The following SGCZ variants were observed in gnomAD, a reference collection of about 807,000 sequenced individuals.
SGCZ encodes the protein sarcoglycan zeta.
A neutral mutation model predicts 41.3 loss-of-function variants in SGCZ; 40 were observed. The ratio of observed to expected loss-of-function variants is 0.97; its 90% CI spans 0.75 to 1.26. The LOEUF (loss-of-function observed/expected upper bound fraction) is 1.26. Ranked by LOEUF, SGCZ falls within the 50% of genes most tolerant of loss-of-function variation. SGCZ has a pLI of 0.00. For missense variants in SGCZ, 552 were observed against 369.8 expected, an observed-to-expected ratio of 1.49 and a Z score of -4.04; for synonymous variants, 206 against 137.5, an observed-to-expected ratio of 1.50 and a Z score of -3.49.
chr8:14,994,787 T>G (rs1585449531), intron 1 of SGCZ, among the ~76,000 whole-genome samples: 1 of 152,178 alleles, frequency 6.6e-6, no homozygotes, highest in South Asian at 2.1e-4. Context: ...CAGAAAAAAA[T>G]CTTCATTTTT....
rs1801511335 is a variant in SGCZ, at chr8:14,085,954, C to T, written c.*4489G>A. Among the ~76,000 whole-genome samples, 1 of 151,676 alleles carries T rather than the reference C, an allele frequency of 6.6e-6. No homozygotes were observed. Among genetic ancestry groups the T allele is most frequent in the Non-Finnish European group, 1.5e-5 (1 of 67,762 alleles). Reference sequence around the variant, plus strand: ...TGACATTTAAACAACTAATAAATTTCAGTATAAAACAACATGAATAACAGT... The same window carrying T: ...TGACATTTAAACAACTAATAAATTTTAGTATAAAACAACATGAATAACAGT... On this transcript the variant is annotated 3_prime_UTR_variant, in exon 8 of 8. Transcript: ENST00000382080.
intron 2 of SGCZ, among the ~76,000 whole-genome samples, chr8:14,359,362 A>T (rs1242507589): frequency 6.6e-6 from 1 of 152,092 alleles, no homozygotes; most frequent in Non-Finnish European, 1.5e-5. Context: ...CTTAATCCAC[A>T]CTATAGACAA....
At chr8:14,804,594 T>A (rs1020484216) in intron 1 of SGCZ, among the ~76,000 whole-genome samples, 1 of 141,500 alleles carries the variant, frequency 7.1e-6, no homozygotes. Context: ...AGACCAAATC[T>A]ACGTCTGATT....
In SGCZ at chr8:14,164,543, G is replaced by A. The variant is rs199521339; in HGVS notation, c.547+37C>T. 12 of 1,611,030 alleles carry A rather than the reference G, an allele frequency of 7.4e-6. No homozygotes were observed. The East Asian group carries it at 1.8e-4, about 24-fold the overall frequency. ...CTTGTGCAGTTGTATATTCTTTAAAGAAGTAAACAATTTTTCAAGACCTCC... is the reference window on the plus strand; with the variant it reads ...CTTGTGCAGTTGTATATTCTTTAAAAAAGTAAACAATTTTTCAAGACCTCC... On this transcript the variant is annotated intron_variant, in intron 5 of 7. Transcript: ENST00000382080.
intron 7 of SGCZ, among the ~76,000 whole-genome samples, chr8:14,095,792 G>T (rs71456956): frequency 6.6e-6 from 1 of 152,136 alleles, no homozygotes; most frequent in Non-Finnish European, 1.5e-5. Flanking sequence ...GCAGTGGCTT[G>T]TAGTTCTCCT....
chr8:15,175,036 G>A (rs933497292), intron 1 of SGCZ, among the ~76,000 whole-genome samples: 5 of 138,172 alleles, frequency 3.6e-5, no homozygotes, highest in Non-Finnish European at 8.2e-5. Flanking sequence ...GACAGGTGCA[G>A]CAAACCACCA....
intron 2 of SGCZ, among the ~76,000 whole-genome samples, chr8:14,418,276 C>A (rs1029342231): frequency 1.1e-4 from 16 of 151,886 alleles, no homozygotes; most frequent in African/African-American, 3.6e-4. Flanking sequence ...GGCTGGAGAA[C>A]TGAGGCCTAA....
At chr8:14,112,402 G>A (rs971726489) in intron 5 of SGCZ, among the ~76,000 whole-genome samples, 4 of 151,860 alleles carry the variant, frequency 2.6e-5, no homozygotes, top group Admixed American at 6.6e-5. Flanking sequence ...TAAACAGCTA[G>A]CCTCCCAGCC....
intron 2 of SGCZ, among the ~76,000 whole-genome samples, chr8:14,349,490 C>T (rs1585393742): frequency 3.0e-5 from 2 of 66,364 alleles, no homozygotes; most frequent in South Asian, 5.8e-4. Flanking sequence ...ATGGAATTTT[C>T]GTAAGCAATA....
At chr8:14,439,950 T>G (rs1800199706) in intron 2 of SGCZ, among the ~76,000 whole-genome samples, 1 of 151,978 alleles carries the variant, frequency 6.6e-6, no homozygotes. Context: ...TAATATTTGG[T>G]TCACGGACTT....
At chr8:14,788,279 G>C (rs547968475) in intron 1 of SGCZ, among the ~76,000 whole-genome samples, 52 of 152,162 alleles carry the variant, frequency 3.4e-4, no homozygotes, top group Admixed American at 8.5e-4. Flanking sequence ...ATTATTTCCA[G>C]AAACATAGAC....
At chr8:14,426,864 A>G (rs1799796995) in intron 2 of SGCZ, among the ~76,000 whole-genome samples, 1 of 152,178 alleles carries the variant, frequency 6.6e-6, no homozygotes, top group African/African-American at 2.4e-5. Context: ...AAAGAATGGA[A>G]AAAATGTCTA....
intron 2 of SGCZ, among the ~76,000 whole-genome samples, chr8:14,358,922 T>G (rs1236761080): frequency 6.6e-6 from 1 of 152,160 alleles, no homozygotes; most frequent in Non-Finnish European, 1.5e-5. Context: ...TATAGTATTC[T>G]TTAAGGGCAA....
chr8:15,181,758 G>A (rs2099644835), intron 1 of SGCZ, among the ~76,000 whole-genome samples: 2 of 152,118 alleles, frequency 1.3e-5, no homozygotes. Flanking sequence ...ACATACATTT[G>A]TGTTTCTGTC....
intron 1 of SGCZ, among the ~76,000 whole-genome samples, chr8:14,626,268 C>T (rs1248315384): frequency 2.0e-5 from 3 of 152,040 alleles, no homozygotes; most frequent in Non-Finnish European, 2.9e-5. Context: ...AGGTATTAAG[C>T]CCCGCATACA....
intron 4 of SGCZ, among the ~76,000 whole-genome samples, chr8:14,235,336 T>G (rs1806717851): frequency 1.3e-5 from 2 of 152,236 alleles, no homozygotes; most frequent in South Asian, 4.1e-4. Flanking sequence ...TTAAATAGTT[T>G]TTAAGTGTAA....
chr8:14,983,094 C>T (rs1018170631), intron 1 of SGCZ, among the ~76,000 whole-genome samples: 1 of 152,036 alleles, frequency 6.6e-6, no homozygotes, highest in Non-Finnish European at 1.5e-5. Context: ...TGAGTTAATA[C>T]ATGTTAATAA....
chr8:15,040,268 A>T (rs1291941354), intron 1 of SGCZ, among the ~76,000 whole-genome samples: 1 of 152,214 alleles, frequency 6.6e-6, no homozygotes, highest in East Asian at 1.9e-4. Flanking sequence ...TATAGTAGGA[A>T]TATATCATAC....
At chr8:14,520,851 G>T (rs1336750958) in intron 2 of SGCZ, among the ~76,000 whole-genome samples, 5 of 151,824 alleles carry the variant, frequency 3.3e-5, no homozygotes, top group Non-Finnish European at 7.4e-5. Context: ...TCTAATAACA[G>T]TGCACATTTT....
Sources: allele counts gnomAD v4.1 joint callset (sites outside exome capture counted in the v4.1 genomes callset), GRCh38; gene constraint gnomAD v4.1.1; transcripts MANE v1.5; gene names NCBI Gene and HGNC (gene_info 2026-07-23, HGNC 2026-07-21).